SLC30A5: variants seen among roughly 807,000 people sequenced by gnomAD.
SLC30A5 encodes solute carrier family 30 member 5, also known as proton-coupled zinc antiporter SLC30A5.
A neutral mutation model predicts 79.6 loss-of-function variants in SLC30A5; 33 were observed. The observed-to-expected ratio is 0.41, with a 90% CI of 0.31 to 0.55. The LOEUF is 0.55. Among genes scored for constraint, SLC30A5 ranks in the 20% least tolerant of loss-of-function variants. SLC30A5 has a pLI of 0.20. For missense variants in SLC30A5, 788 were observed against 928.1 expected (o/e 0.85, Z 1.96); for synonymous variants, 299 against 319.7 (o/e 0.94, Z 0.69).
At chr5:69,095,270 G>A (rs1169955858) in intron 1 of SLC30A5, among the ~76,000 whole-genome samples, 4 of 135,622 alleles carry the variant, frequency 2.9e-5, no homozygotes, top group Non-Finnish European at 6.0e-5. Context: ...GCGCGATCTC[G>A]GCTCACGACA....
intron 1 of SLC30A5, among the ~76,000 whole-genome samples, chr5:69,096,304 C>A (rs1002593755): frequency 1.3e-5 from 2 of 152,170 alleles, no homozygotes; most frequent in Non-Finnish European, 2.9e-5. Context: ...AAAGGATATA[C>A]TACTCTTGTA....
intron 1 of SLC30A5, among the ~76,000 whole-genome samples, chr5:69,099,455 T>C (rs1745844421): frequency 6.6e-6 from 1 of 152,196 alleles, no homozygotes; most frequent in Admixed American, 6.5e-5. Flanking sequence ...TTCAGGAAAT[T>C]TAAGTGACCT....
intron 13 of SLC30A5, 38 bp downstream of exon 13, chr5:69,121,933 T>C (rs377203316): frequency 6.6e-7 from 1 of 1,513,222 alleles, no homozygotes; most frequent in Non-Finnish European, 9.1e-7. Context: ...TTTTCAACTG[T>C]GTTCTAAATC....
At position 69,129,897 on chromosome 5, in the gene SLC30A5, G is replaced by A. The variant is rs539062961; in HGVS notation, c.*280G>A. On this transcript the variant is annotated 3_prime_UTR_variant, in exon 16 of 16. Transcript: ENST00000396591. ...AAAAATAGATATGATGGATTCTAGT[G>A]AAGACCAAAATTACTTCTGTTTACT... 5.0e-5 allele frequency: 11 copies of A among 218,280 alleles called. No individual in the cohort carries two copies. The East Asian group carries it at 8.3e-4, about 16-fold the overall frequency. The allele number at this position is 218,280 out of a possible 1,614,324, so 13.5% of individuals were successfully genotyped here.
intron 12 of SLC30A5, among the ~76,000 whole-genome samples, chr5:69,118,987 G>C (rs1746464315): frequency 6.6e-6 from 1 of 151,848 alleles, no homozygotes; most frequent in Non-Finnish European, 1.5e-5. Flanking sequence ...ATTTTGTATA[G>C]ATAGAGTTTC....
At chr5:69,127,473 CAAAAAA>C (rs70989993) in intron 14 of SLC30A5, among the ~76,000 whole-genome samples, 3,977 of 77,852 alleles carry the variant, frequency 0.051, 167 homozygotes, top group African/African-American at 0.14. Flanking sequence ...TACTAAAATA[CAAAAAA>C]AAAAAAAAAA....
chr5:69,122,101 A>G (rs1580185012), intron 13 of SLC30A5, among the ~76,000 whole-genome samples: 1 of 152,184 alleles, frequency 6.6e-6, no homozygotes, highest in East Asian at 1.9e-4. Flanking sequence ...CTTTAAAAAG[A>G]GGGACATTCT....
intron 4 of SLC30A5, among the ~76,000 whole-genome samples, chr5:69,107,625 A>G (rs1206032652): frequency 6.6e-6 from 1 of 152,290 alleles, no homozygotes; most frequent in Admixed American, 6.5e-5. Context: ...ACACTAGGTG[A>G]CTGGAATTTC....
At chr5:69,096,238 A>T (rs1453950720) in intron 1 of SLC30A5, among the ~76,000 whole-genome samples, 1 of 152,204 alleles carries the variant, frequency 6.6e-6, no homozygotes, top group Non-Finnish European at 1.5e-5. Context: ...GTGCATTCAG[A>T]GGGAGAGAGA....
chr5:69,114,310 C>T, intron 6 of SLC30A5, 110 bp from the exon 7 acceptor site: 1 of 580,544 alleles, frequency 1.7e-6, no homozygotes. Context: ...TTTGAGGCCT[C>T]CAGATCAGTC....
At chr5:69,095,695 G>A (rs886993782) in intron 1 of SLC30A5, among the ~76,000 whole-genome samples, 1 of 152,124 alleles carries the variant, frequency 6.6e-6, no homozygotes, top group African/African-American at 2.4e-5. Context: ...TTGGTAGTAG[G>A]GGAAAAGTGC....
chr5:69,120,431 G>C lies in SLC30A5; in HGVS notation c.1570-1263G>C, dbSNP rs142515939. ...AAAATAGTATTATGATTACATTGTT[G>C]GTTTTAAAGGGTGTTATGTGTATGT... On this transcript the variant is annotated intron_variant, in intron 12 of 15. Coordinates refer to ENST00000396591, the MANE Select transcript of SLC30A5 (RefSeq NM_022902.5). Among the ~76,000 whole-genome samples the C allele has an allele frequency of 7.2e-5, 11 of 152,080 alleles. No homozygotes were observed. The East Asian group carries it at 1.7e-3, about 24-fold the overall frequency.
chr5:69,127,472 A>G (rs1253591095), intron 14 of SLC30A5, among the ~76,000 whole-genome samples: 5 of 86,270 alleles, frequency 5.8e-5, no homozygotes, highest in Non-Finnish European at 1.1e-4. Context: ...GTACTAAAAT[A>G]CAAAAAAAAA....
intron 5 of SLC30A5, 108 bp downstream of exon 5, chr5:69,108,544 G>A: frequency 1.1e-6 from 1 of 871,558 alleles, no homozygotes; most frequent in Non-Finnish European, 1.9e-6. Flanking sequence ...GCAGGAGGCT[G>A]AGCGCGATGG....
Position 69,115,952 on chromosome 5 carries a change from CATT to C in SLC30A5, c.813_815del (p.Ile271del). On this transcript the variant is annotated inframe_deletion, in exon 9 of 16. Transcript: ENST00000396591. ...GTAAAGTGGAGTCTTGGTTTTCTCT[CATT>C]ATGCCTTTTGCAACGGTTATCTTTT... 3 of 1,613,158 alleles carry C rather than the reference CATT, an allele frequency of 1.9e-6. No individual in the cohort carries two copies. Among genetic ancestry groups the C allele is most frequent in the Non-Finnish European group, 1.7e-6 (2 of 1,179,588 alleles).
intron 12 of SLC30A5, 137 bp downstream of exon 12, chr5:69,118,765 C>A: frequency 4.0e-6 from 2 of 501,658 alleles, no homozygotes; most frequent in Non-Finnish European, 6.4e-6. Context: ...TCCTATCTTG[C>A]TGTTTACATT....
intron 15 of SLC30A5, 62 bp downstream of exon 15, chr5:69,128,194 C>A: frequency 3.2e-6 from 4 of 1,262,466 alleles, no homozygotes; most frequent in African/African-American, 1.5e-5. Context: ...TTGTACACCT[C>A]ATAAGTTATA....
intron 12 of SLC30A5, among the ~76,000 whole-genome samples, chr5:69,119,228 CTTTT>C (rs1334047489): frequency 2.0e-5 from 3 of 151,998 alleles, no homozygotes; most frequent in Non-Finnish European, 1.5e-5. Context: ...ATGTGAAATA[CTTTT>C]TTTCTTTTCT....
At chr5:69,113,034 TA>T in intron 5 of SLC30A5, 105 bp from the exon 6 acceptor site, 1 of 870,512 alleles carries the variant, frequency 1.1e-6, no homozygotes, top group Non-Finnish European at 1.8e-6. Context: ...TGCATTTTTG[TA>T]AATGCTTACT....
Sources: gnomAD v4.1 joint callset for allele counts (sites outside exome capture counted in the v4.1 genomes callset) on GRCh38, gnomAD v4.1.1 for gene constraint, MANE v1.5 for transcripts, NCBI Gene and HGNC (gene_info 2026-07-23, HGNC 2026-07-21) for gene names.